KRT73: variants seen among roughly 807,000 people sequenced by gnomAD.
KRT73 encodes the protein keratin, type II cytoskeletal 73.
KRT73 carries 44 observed loss-of-function variants against 47.2 expected under a neutral mutation model. The observed-to-expected ratio is 0.93, with a 90% CI of 0.73 to 1.20. The LOEUF is 1.20. KRT73 is among the 50% of genes most tolerant of loss of function. The pLI is 0.00. For missense variants in KRT73, 713 were observed against 704.5 expected (o/e 1.01, Z -0.14); for synonymous variants, 285 against 291.3 (o/e 0.98, Z 0.22).
chr12:52,617,294 C>T (rs1355393532), intron 1 of KRT73, among the ~76,000 whole-genome samples: 1 of 152,214 alleles, frequency 6.6e-6, no homozygotes, highest in Non-Finnish European at 1.5e-5. Context: ...CTTCCTACCA[C>T]TTTGTTCCTC....
rs542709570 is a variant in KRT73, at chr12:52,610,796, G to A, written c.1150C>T (p.Arg384Trp). 38 of 1,613,276 alleles carry A rather than the reference G, an allele frequency of 2.4e-5. No individual in the cohort carries two copies. Among genetic ancestry groups the A allele is most frequent in the Middle Eastern group, 1.6e-4 (1 of 6,062 alleles). Residue 384 changes from arginine (R) to tryptophan (W), a missense_variant, in exon 7 of 9, where the codon CGG becomes TGG. By Grantham distance (101) the Arg-to-Trp change is moderately radical. Coordinates refer to ENST00000305748, the MANE Select transcript of KRT73 (RefSeq NM_175068.3). ...GCATCCTTGAGGGCACAGTCCCCCC[G>A]CTGCTCGGCGTCAGCGATGGCCGTC... ...LETAIADAEQRGDCALKDARA... is the reference protein window; with the variant it reads ...LETAIADAEQWGDCALKDARA...
chr12:52,625,378 TA>T, the KRT73 span, among the ~76,000 whole-genome samples: 1 of 152,068 alleles, frequency 6.6e-6, no homozygotes, highest in Non-Finnish European at 1.5e-5. Context: ...CGATGGCAAA[TA>T]AGCACACAAA....
the KRT73 span, among the ~76,000 whole-genome samples, chr12:52,627,003 T>G: frequency 6.6e-6 from 1 of 152,348 alleles, no homozygotes; most frequent in South Asian, 2.1e-4. Context: ...CTGCAGTTTC[T>G]TATGCTCTTG....
chr12:52,615,177 G>T, intron 3 of KRT73, 102 bp downstream of exon 3: 1 of 958,308 alleles, frequency 1.0e-6, no homozygotes, highest in Non-Finnish European at 1.6e-6. Flanking sequence ...CAGCACTTTG[G>T]CTCCAGGCCC....
chr12:52,616,054 T>C, intron 2 of KRT73, 112 bp downstream of exon 2: 1 of 1,323,480 alleles, frequency 7.6e-7, no homozygotes, highest in South Asian at 1.3e-5. Flanking sequence ...GGCTCTCATC[T>C]TGCTGGGACA....
Position 52,608,327 on chromosome 12 carries a change from A to T in KRT73, c.1492T>A (p.Cys498Ser). 6.2e-7 allele frequency: 1 copy of T among 1,613,918 alleles called. No individual in the cohort carries two copies. The highest frequency in any genetic ancestry group is 8.5e-7 in the Non-Finnish European group (1 of 1,179,992). ...SGGYSMLPGGCVTGSGNCSPR... is the reference protein window; with the variant it reads ...SGGYSMLPGGSVTGSGNCSPR... ...CTACAGTTCCCACTGCCAGTGACAC[A>T]GCCCCCAGGCAGCATGCTGTAGCCC... The change falls in exon 9 of 9, where the codon TGT becomes AGT. Residue 498 changes from cysteine (C) to serine (S), a missense_variant. Transcript: ENST00000305748.
At chr12:52,613,526 C>G in intron 5 of KRT73, 162 bp downstream of exon 5, 1 of 1,366,886 alleles carries the variant, frequency 7.3e-7, no homozygotes, top group Non-Finnish European at 9.7e-7. Flanking sequence ...GTGCCAAGGA[C>G]AGAGCTGTGT....
chr12:52,620,580 G>A (rs969970932), upstream of KRT73, among the ~76,000 whole-genome samples: 4 of 152,154 alleles, frequency 2.6e-5, no homozygotes, highest in South Asian at 6.2e-4. Context: ...ACTACAAATT[G>A]CTGCATGTCA....
At chr12:52,613,910 G>T (rs1940758084) in intron 4 of KRT73, 58 bp from the exon 5 acceptor site, 1 of 1,585,358 alleles carries the variant, frequency 6.3e-7, no homozygotes, top group South Asian at 1.2e-5. Context: ...AGGTCCCAAG[G>T]TGATGGCCCT....
chr12:52,619,548 G>A (rs143097549), upstream of KRT73, among the ~76,000 whole-genome samples: 167 of 152,262 alleles, frequency 1.1e-3, no homozygotes, highest in African/African-American at 3.5e-3. Flanking sequence ...AGCTATGCCC[G>A]CCTTATTCAT....
chr12:52,623,584 T>C, the KRT73 span, among the ~76,000 whole-genome samples: 18 of 152,290 alleles, frequency 1.2e-4, no homozygotes, highest in African/African-American at 4.1e-4. Context: ...CAATAGACTT[T>C]CCTTCTCTTG....
At chr12:52,610,547 C>CCCCCA in intron 7 of KRT73, 68 bp downstream of exon 7, 1 of 889,560 alleles carries the variant, frequency 1.1e-6, no homozygotes. Flanking sequence ...CCCCCCGCCC[C>CCCCCA]CAACCACACT....
upstream of KRT73, among the ~76,000 whole-genome samples, chr12:52,620,722 A>C (rs600447): frequency 0.069 from 10,447 of 151,902 alleles, 834 homozygotes; most frequent in Admixed American, 0.16. Flanking sequence ...TGGCCTTCTC[A>C]TCTTGTGAAC....
In KRT73 at chr12:52,611,559, G is replaced by A. The variant is rs1455727561; in HGVS notation, c.985-230C>T. On this transcript the variant is annotated intron_variant, in intron 5 of 8. Transcript: ENST00000305748. ...GAATTGGCCATAAGGACTGTTGAATGTCCCAGACTCTCCATATGGCAACTT... is the reference window on the plus strand; with the variant it reads ...GAATTGGCCATAAGGACTGTTGAATATCCCAGACTCTCCATATGGCAACTT... 7 of 538,726 alleles carry A rather than the reference G, an allele frequency of 1.3e-5. No individual in the cohort carries two copies. In the South Asian group the frequency reaches 1.7e-4, roughly 13 times the overall value. 33.4% of individuals were successfully genotyped at this position (538,726 alleles called of 1,614,324 possible).
At chr12:52,621,573 C>A (rs1057178521), upstream of KRT73, among the ~76,000 whole-genome samples, 1 of 152,052 alleles carries the variant, frequency 6.6e-6, no homozygotes, top group African/African-American at 2.4e-5. Context: ...AGACTTGGGG[C>A]AGAAGAAGGC....
rs141499700 is a variant in KRT73, at chr12:52,608,318, C to T, written c.1501G>A (p.Gly501Ser). ...YSMLPGGCVT[G>S]SGNCSPRGEA... The stretch of plus-strand genomic sequence containing the variant: ...CCACGGGGGCTACAGTTCCCACTGC[C>T]AGTGACACAGCCCCCAGGCAGCATG... The change falls in exon 9 of 9, where the codon GGC becomes AGC. Residue 501 changes from glycine to serine, a missense_variant. Physicochemically the swap from Gly to Ser is moderately conservative, Grantham distance 56. Transcript: ENST00000305748. 6 of 1,613,862 alleles carry T rather than the reference C, an allele frequency of 3.7e-6. No homozygotes were observed. In the African/African-American group the frequency reaches 8.0e-5, roughly 22 times the overall value.
intron 7 of KRT73, chr12:52,609,778 T>C (rs11170195): frequency 0.35 from 53,976 of 154,006 alleles, 10,176 homozygotes; most frequent in East Asian, 0.59. Flanking sequence ...TGACTTGTAC[T>C]GTTAGATATT....
At chr12:52,617,969 G>T (rs1251890999) in intron 1 of KRT73, 109 bp downstream of exon 1, 2 of 1,254,454 alleles carry the variant, frequency 1.6e-6, no homozygotes, top group Non-Finnish European at 2.2e-6. Context: ...TTTGCTGGGA[G>T]AAAATGATTT....
At chr12:52,619,161 G>A (rs574533720), upstream of KRT73, among the ~76,000 whole-genome samples, 1 of 152,320 alleles carries the variant, frequency 6.6e-6, no homozygotes, top group East Asian at 1.9e-4. Flanking sequence ...GTGCCAGCCG[G>A]GCTGCCCTGC....
Sources: allele counts gnomAD v4.1 joint callset (sites outside exome capture counted in the v4.1 genomes callset), GRCh38; gene constraint gnomAD v4.1.1; transcripts MANE v1.5; gene names NCBI Gene and HGNC (gene_info 2026-07-23, HGNC 2026-07-21).